The following UNC13C variants were observed in gnomAD, a reference collection of about 807,000 sequenced individuals.
UNC13C encodes the protein unc-13 homolog C.
UNC13C carries 174 observed loss-of-function variants against 245.4 expected under a neutral mutation model. The ratio of observed to expected loss-of-function variants is 0.71; its 90% CI spans 0.63 to 0.80. The LOEUF (loss-of-function observed/expected upper bound fraction) is 0.80, where lower values mean the gene tolerates loss of function less well. UNC13C is among the 30% of genes least tolerant of loss of function. UNC13C has a pLI of 0.00. For synonymous variants in UNC13C, 992 were observed against 895.1 expected (o/e 1.11, Z -1.93); for missense variants, 2,829 against 2,602.9 (o/e 1.09, Z -1.89).
At chr15:53,950,551 A>G in the UNC13C span, among the ~76,000 whole-genome samples, 1 of 152,132 alleles carries the variant, frequency 6.6e-6, no homozygotes, top group Admixed American at 6.6e-5. Context: ...ACAGAATACA[A>G]TAGCTGGGAA....
At chr15:54,425,036 T>G (rs529387756) in intron 19 of UNC13C, among the ~76,000 whole-genome samples, 22 of 151,934 alleles carry the variant, frequency 1.4e-4, no homozygotes, top group African/African-American at 5.3e-4. Context: ...ATGTATACAA[T>G]GCCATGTGCT....
At chr15:54,332,149 T>C in intron 15 of UNC13C, 38 bp downstream of exon 15, 1 of 1,399,070 alleles carries the variant, frequency 7.1e-7, no homozygotes, top group Non-Finnish European at 9.7e-7. Context: ...AAAACTGTTG[T>C]TTGGTCTAGA....
chr15:54,479,206 G>GTC (rs1006101126), intron 19 of UNC13C, among the ~76,000 whole-genome samples: 21 of 151,718 alleles, frequency 1.4e-4, no homozygotes, highest in East Asian at 3.9e-4. Context: ...TTTTATGGGG[G>GTC]TCTCTCTCTC....
intron 30 of UNC13C, among the ~76,000 whole-genome samples, chr15:54,606,394 G>T (rs1899768165): frequency 6.6e-6 from 1 of 152,184 alleles, no homozygotes; most frequent in Non-Finnish European, 1.5e-5. Flanking sequence ...TATTTAATCA[G>T]TAGATAACTT....
Position 54,525,601 on chromosome 15 carries a change from G to A in UNC13C, c.5510G>A (p.Gly1837Glu). Residue 1837 changes from glycine (G) to glutamate (E), a missense_variant, in exon 25 of 33, where the codon GGG becomes GAG. Coordinates refer to ENST00000260323, the MANE Select transcript of UNC13C (RefSeq NM_001080534.3). ...AAAGAACTTCAGGTTAAGCTCAGTG[G>A]GGTCCTGGATGAGCTCAGCGTCACT... Reference protein sequence around the residue: ...ILKELQVKLSGVLDELSVTYG... With the variant: ...ILKELQVKLSEVLDELSVTYG... The A allele has an allele frequency of 6.2e-7, 1 of 1,613,014 alleles. No homozygotes were observed. The highest frequency in any genetic ancestry group is 8.5e-7 in the Non-Finnish European group (1 of 1,179,568).
In UNC13C at chr15:54,075,415, C is replaced by T. The variant is rs530904128; in HGVS notation, c.2983+59529C>T. ...CAGGAGAATGGCGTGAACCTGAAGG[C>T]GGAGCTTGCAGTGAGCCGGAGCTTG... On this transcript the variant is annotated intron_variant, in intron 2 of 32. Coordinates refer to ENST00000260323, the MANE Select transcript of UNC13C (RefSeq NM_001080534.3). 3.8e-5 allele frequency among the ~76,000 whole-genome samples: 3 copies of T among 78,778 alleles called. No homozygotes were observed. In the South Asian group the frequency reaches 2.0e-3, roughly 52 times the overall value. 51.7% of individuals were successfully genotyped at this position (78,778 alleles called of 152,430 possible). A position where few individuals can be genotyped will look rare whatever the true frequency, so the allele number is the denominator to read the frequency against.
At chr15:54,562,484 A>G (rs1897333514) in intron 29 of UNC13C, among the ~76,000 whole-genome samples, 1 of 151,978 alleles carries the variant, frequency 6.6e-6, no homozygotes, top group Non-Finnish European at 1.5e-5. Flanking sequence ...GTCATCTACA[A>G]TGTTGTCCGC....
At chr15:54,396,279 G>T (rs1166663394) in intron 18 of UNC13C, among the ~76,000 whole-genome samples, 2 of 151,538 alleles carry the variant, frequency 1.3e-5, no homozygotes, top group Admixed American at 1.3e-4. Context: ...CCCAGGCAAT[G>T]CCCCTCATCT....
intron 24 of UNC13C, among the ~76,000 whole-genome samples, chr15:54,518,846 A>T (rs1895093301): frequency 6.6e-6 from 1 of 152,216 alleles, no homozygotes; most frequent in Admixed American, 6.5e-5. Context: ...AGGGCAGAAC[A>T]AAATTCTGAA....
intron 4 of UNC13C, among the ~76,000 whole-genome samples, chr15:54,207,003 A>G (rs2034734817): frequency 6.6e-6 from 1 of 152,076 alleles, no homozygotes; most frequent in Admixed American, 6.6e-5. Flanking sequence ...CTAAGTAGCA[A>G]AAATACCGTG....
chr15:54,556,940 T>C (rs1055282919), intron 29 of UNC13C, among the ~76,000 whole-genome samples: 3 of 152,084 alleles, frequency 2.0e-5, no homozygotes, highest in African/African-American at 7.2e-5. Flanking sequence ...ACTTCAACAT[T>C]TCTCTAATTT....
chr15:53,950,774 G>C, the UNC13C span, among the ~76,000 whole-genome samples: 2 of 151,998 alleles, frequency 1.3e-5, no homozygotes, highest in African/African-American at 2.4e-5. Flanking sequence ...GAGAGAGCAA[G>C]CTCAGGGTTG....
At chr15:54,121,514 G>A (rs1595880924) in intron 2 of UNC13C, among the ~76,000 whole-genome samples, 3 of 151,858 alleles carry the variant, frequency 2.0e-5, no homozygotes, top group East Asian at 1.9e-4. Flanking sequence ...GTGTTTTGTG[G>A]CCCTCTGTTT....
chr15:54,417,376 C>G (rs1238679423), intron 19 of UNC13C, among the ~76,000 whole-genome samples: 1 of 152,072 alleles, frequency 6.6e-6, no homozygotes, highest in African/African-American at 2.4e-5. Context: ...CTGTTCTCCC[C>G]TTTTGTTTGA....
At chr15:54,555,146 A>G (rs1162998656) in intron 28 of UNC13C, among the ~76,000 whole-genome samples, 1 of 152,018 alleles carries the variant, frequency 6.6e-6, no homozygotes, top group African/African-American at 2.4e-5. Flanking sequence ...TTCATCACGC[A>G]TTTTCCAGGT....
chr15:54,193,302 C>T (rs1216923914), intron 4 of UNC13C, among the ~76,000 whole-genome samples: 1 of 152,142 alleles, frequency 6.6e-6, no homozygotes, highest in Non-Finnish European at 1.5e-5. Flanking sequence ...ATGTGATATG[C>T]TTGGAGACTT....
intron 4 of UNC13C, among the ~76,000 whole-genome samples, chr15:54,196,275 A>G (rs912894083): frequency 6.6e-6 from 1 of 152,108 alleles, no homozygotes; most frequent in African/African-American, 2.4e-5. Context: ...ACAGCTGTCA[A>G]CTGTTCTGGG....
intron 14 of UNC13C, among the ~76,000 whole-genome samples, chr15:54,328,876 C>T (rs1056913151): frequency 6.6e-6 from 1 of 151,982 alleles, no homozygotes; most frequent in Non-Finnish European, 1.5e-5. Flanking sequence ...ATCTAAAATT[C>T]AAATTTCCAC....
chr15:54,395,097 A>G (rs1447113686), intron 18 of UNC13C, among the ~76,000 whole-genome samples: 4 of 151,764 alleles, frequency 2.6e-5, no homozygotes, highest in Non-Finnish European at 5.9e-5. Flanking sequence ...TCTATTTGGA[A>G]TCCATTTTTT....
Sources: gnomAD v4.1 joint callset for allele counts (sites outside exome capture counted in the v4.1 genomes callset) on GRCh38, gnomAD v4.1.1 for gene constraint, MANE v1.5 for transcripts, NCBI Gene and HGNC (gene_info 2026-07-23, HGNC 2026-07-21) for gene names.